FUBP1: variants seen among roughly 807,000 people sequenced by gnomAD.
FUBP1 encodes far upstream element binding protein 1.
A neutral mutation model predicts 94.9 loss-of-function variants in FUBP1; 16 were observed. The observed-to-expected ratio is 0.17, with a 90% confidence interval of 0.11 to 0.26. The LOEUF (loss-of-function observed/expected upper bound fraction) is 0.26. Ranked by LOEUF, FUBP1 falls within the 10% of genes least tolerant of loss-of-function variation. The pLI is 1.00. For missense variants in FUBP1, 583 were observed against 808.6 expected (o/e 0.72, Z 3.38); for synonymous variants, 279 against 254.9 (o/e 1.09, Z -0.90).
At chr1:77,975,061 TTG>T (rs1443239754) in intron 1 of FUBP1, among the ~76,000 whole-genome samples, 2 of 152,246 alleles carry the variant, frequency 1.3e-5, no homozygotes, top group Admixed American at 1.3e-4. Context: ...AGTTGTTGTA[TTG>T]TTTTTATTCA....
intron 16 of FUBP1, 36 bp from the exon 17 acceptor site, chr1:77,956,736 G>T: frequency 6.3e-7 from 1 of 1,579,654 alleles, no homozygotes. Flanking sequence ...TGCATGTGAA[G>T]TCTGTAATTC....
chr1:77,945,458 GTATGGGAATACATTTCATATTTCTCAAT>G lies in FUBP1; in HGVS notation c.*3280_*3307del, dbSNP rs1457014371. On this transcript the variant is annotated 3_prime_UTR_variant, in exon 20 of 20. Transcript: ENST00000370768. ...TACATTACACCCTATACCATATTAT[GTATGGGAATACATTTCATATTTCTCAAT>G]TATGATTTGCCAATTTTACCTTCTA... is the stretch of plus-strand genomic sequence containing the variant. 9.5e-6 allele frequency: 2 copies of G among 211,466 alleles called. No homozygotes were observed. Among genetic ancestry groups the G allele is most frequent in the Admixed American group, 5.9e-5 (1 of 17,058 alleles). 13.1% of individuals were successfully genotyped at this position (211,466 alleles called of 1,614,324 possible). A position where few individuals can be genotyped will look rare whatever the true frequency, so the allele number is the denominator to read the frequency against.
At chr1:77,967,410 A>C (rs1656712385) in intron 4 of FUBP1, among the ~76,000 whole-genome samples, 1 of 152,210 alleles carries the variant, frequency 6.6e-6, no homozygotes. Context: ...CTGTTCTTCT[A>C]AAATGTGGTT....
chr1:77,972,671 A>G (rs1215462945), intron 1 of FUBP1, among the ~76,000 whole-genome samples: 1 of 151,776 alleles, frequency 6.6e-6, no homozygotes, highest in Non-Finnish European at 1.5e-5. Context: ...CTCAGGCAGG[A>G]GAATCACTTG....
chr1:77,964,942 C>T lies in FUBP1; in HGVS notation c.663G>A (p.Met221Ile). ...LQERAGVKMVMIQDGPQNTGA... is the reference protein window; with the variant it reads ...LQERAGVKMVIIQDGPQNTGA... Reference sequence around the variant, plus strand: ...CAGTGTTCTGCGGCCCGTCTTGAATCATAACCATTTTAACTCCAGCCCGTT... The same window carrying T: ...CAGTGTTCTGCGGCCCGTCTTGAATTATAACCATTTTAACTCCAGCCCGTT... Residue 221 changes from methionine (M) to isoleucine (I), a missense_variant, in exon 9 of 20, where the codon ATG becomes ATA. Transcript: ENST00000370768. The T allele has an allele frequency of 6.2e-7, 1 of 1,612,786 alleles. No individual in the cohort carries two copies. The highest frequency in any genetic ancestry group is 1.3e-5 in the African/African-American group (1 of 74,992).
Position 77,972,639 on chromosome 1 carries a change from G to A in FUBP1, c.121-2624C>T, listed in dbSNP as rs575109881. 3.3e-5 allele frequency among the ~76,000 whole-genome samples: 5 copies of A among 150,814 alleles called. No homozygotes were observed. The South Asian group carries it at 6.3e-4, about 19-fold the overall frequency. On this transcript the variant is annotated intron_variant, in intron 1 of 19. Coordinates refer to ENST00000370768, the MANE Select transcript of FUBP1 (RefSeq NM_003902.5). ...TAGCCAGGCACAGTGGTGCGCACCT[G>A]TAATTCCAGCTACTCGGGAGGCTCA...
At chr1:77,954,969 T>C (rs142820510) in intron 18 of FUBP1, among the ~76,000 whole-genome samples, 39 of 152,284 alleles carry the variant, frequency 2.6e-4, no homozygotes, top group African/African-American at 8.9e-4. Context: ...TAACCTTATG[T>C]CATTTAGACT....
rs1224286176 is a variant in FUBP1 at position 77,948,579 on chromosome 1, G to GAAATAT, written c.*181_*186dup. 1 of 1,174,620 alleles carries GAAATAT rather than the reference G, an allele frequency of 8.5e-7. No homozygotes were observed. The highest frequency in any genetic ancestry group is 2.0e-5 in the African/African-American group (1 of 50,636). 72.8% of individuals were successfully genotyped at this position (1,174,620 alleles called of 1,614,324 possible). A position where few individuals can be genotyped will look rare whatever the true frequency, so the allele number is the denominator to read the frequency against. ...ACAAACCAATTTTCATTTCTACACA[G>GAAATAT]AAATATTAACCTCCTATCAGTAGTG... On this transcript the variant is annotated 3_prime_UTR_variant, in exon 20 of 20. Transcript: ENST00000370768.
chr1:77,973,881 C>T (rs1658078833), intron 1 of FUBP1, among the ~76,000 whole-genome samples: 1 of 151,910 alleles, frequency 6.6e-6, no homozygotes, highest in Non-Finnish European at 1.5e-5. Context: ...CCTTCTTGTC[C>T]AGTAATACAG....
Position 77,945,762 on chromosome 1 carries a change from C to T in FUBP1, c.*3004G>A. The T allele has an allele frequency of 4.7e-6, 1 of 213,196 alleles. No homozygotes were observed. The highest frequency in any genetic ancestry group is 9.5e-6 in the Non-Finnish European group (1 of 105,392). The allele number at this position is 213,196 out of a possible 1,614,324, so 13.2% of individuals were successfully genotyped here. A position where few individuals can be genotyped will look rare whatever the true frequency, so the allele number is the denominator to read the frequency against. ...AATAAACAAAACTGATAAGATGCTGCTTTCATACATTCAACTTAACTCAAA... is the reference window on the plus strand; with the variant it reads ...AATAAACAAAACTGATAAGATGCTGTTTTCATACATTCAACTTAACTCAAA... On this transcript the variant is annotated 3_prime_UTR_variant, in exon 20 of 20. Transcript: ENST00000370768.
Position 77,966,742 on chromosome 1 carries a change from C to G in FUBP1, c.425G>C (p.Gly142Ala). The G allele has an allele frequency of 1.9e-6, 3 of 1,566,620 alleles. No homozygotes were observed. Among genetic ancestry groups the G allele is most frequent in the Non-Finnish European group, 1.8e-6 (2 of 1,137,120 alleles). ...TAACATACAGGACCTTTCTGGAAGG[C>G]CACCACTGTCTACAATTTAAAACAA... ...CKIQIAPDSG[G>A]LPERSCMLTG... Residue 142 changes from glycine (G) to alanine (A), a missense_variant, in exon 7 of 20, where the codon GGC becomes GCC. By Grantham distance (60) the Gly-to-Ala change is moderately conservative (BLOSUM62 0). Coordinates refer to ENST00000370768, the MANE Select transcript of FUBP1 (RefSeq NM_003902.5).
rs2102375934 is a variant in FUBP1 at position 77,962,877 on chromosome 1, G to C, written c.1237C>G (p.Gln413Glu). 2 of 1,612,676 alleles carry C rather than the reference G, an allele frequency of 1.2e-6. No homozygotes were observed. Among genetic ancestry groups the C allele is most frequent in the Non-Finnish European group, 1.7e-6 (2 of 1,178,766 alleles). The change falls in exon 14 of 20, where the codon CAG becomes GAG. Residue 413 changes from glutamine (Q) to glutamate (E), a missense_variant. Physicochemically the swap from Gln to Glu is conservative, Grantham distance 29 (BLOSUM62 2). Transcript: ENST00000370768. ...SQQSGARIEL[Q>E]RNPPPNADPN... is the part of the protein sequence containing the mutation. ...TCTGCATTTGGTGGAGGATTTCTCT[G>C]AAGTTCTATTCTTGCACCAGACTGC...
intron 1 of FUBP1, among the ~76,000 whole-genome samples, chr1:77,972,277 T>C (rs1657705296): frequency 6.6e-6 from 1 of 152,184 alleles, no homozygotes; most frequent in South Asian, 2.1e-4. Context: ...AAAATGGTGC[T>C]ACCAAGAATA....
intron 1 of FUBP1, among the ~76,000 whole-genome samples, chr1:77,974,127 T>G (rs991453351): frequency 2.0e-5 from 3 of 150,298 alleles, no homozygotes; most frequent in Non-Finnish European, 3.0e-5. Context: ...GTCTGGCTAA[T>G]TTTTTGGTTT....
chr1:77,978,837 G>A (rs2102560298), intron 1 of FUBP1, 48 bp downstream of exon 1: 1 of 1,611,148 alleles, frequency 6.2e-7, no homozygotes, highest in Middle Eastern at 1.9e-4. Context: ...TCAGTCAGCG[G>A]CCAATTACCG....
rs1202879589 is a variant in FUBP1, at chr1:77,946,417, A to G, written c.*2349T>C. The G allele has an allele frequency of 5.1e-6, 1 of 197,588 alleles. No individual in the cohort carries two copies. The highest frequency in any genetic ancestry group is 2.3e-5 in the African/African-American group (1 of 43,274). 12.2% of individuals were successfully genotyped at this position (197,588 alleles called of 1,614,324 possible). A position where few individuals can be genotyped will look rare whatever the true frequency, so the allele number is the denominator to read the frequency against. ...ATGGTAGCATAAAATAACAAAATAC[A>G]TTTTGGGGAAGCAGTAGCAGATTGC... On this transcript the variant is annotated 3_prime_UTR_variant, in exon 20 of 20. Transcript: ENST00000370768.
chr1:77,958,724 C>G (rs969828013), intron 16 of FUBP1, among the ~76,000 whole-genome samples: 1 of 152,206 alleles, frequency 6.6e-6, no homozygotes, highest in African/African-American at 2.4e-5. Context: ...TTATTCCCAT[C>G]ATTTTTCCTC....
intron 1 of FUBP1, among the ~76,000 whole-genome samples, chr1:77,973,850 TTTAA>T (rs1200044954): frequency 2.0e-5 from 3 of 152,106 alleles, no homozygotes; most frequent in African/African-American, 4.8e-5. Flanking sequence ...AGCATATTGG[TTTAA>T]TTTTTTTTAA....
intron 16 of FUBP1, among the ~76,000 whole-genome samples, chr1:77,959,506 T>C (rs1219712818): frequency 6.6e-6 from 1 of 152,052 alleles, no homozygotes; most frequent in Non-Finnish European, 1.5e-5. Context: ...TAACACTCTG[T>C]TGGACTGTTA....
Sources: allele counts gnomAD v4.1 joint callset (sites outside exome capture counted in the v4.1 genomes callset), GRCh38; gene constraint gnomAD v4.1.1; transcripts MANE v1.5; gene names NCBI Gene and HGNC (gene_info 2026-07-23, HGNC 2026-07-21).